The following PCK1 variants were observed in gnomAD, a reference collection of about 807,000 sequenced individuals.
The protein encoded by PCK1 is phosphoenolpyruvate carboxykinase 1, also known as phosphoenolpyruvate carboxykinase, cytosolic [GTP].
In PCK1, 44 loss-of-function variants were observed where a neutral mutation model predicts 50.3. That is an observed-to-expected ratio of 0.87 (90% confidence interval 0.69 to 1.12). The LOEUF (loss-of-function observed/expected upper bound fraction) is 1.12. PCK1 is among the 50% of genes most tolerant of loss of function. The probability of loss-of-function intolerance (pLI) is 0.00; values close to 1 mark genes in which losing one functional copy is unlikely to be tolerated. For missense variants in PCK1, 790 were observed against 815.0 expected, an observed-to-expected ratio of 0.97 and a Z score of 0.37; for synonymous variants, 332 against 314.3, an observed-to-expected ratio of 1.06 and a Z score of -0.59.
At chr20:57,562,439 C>T (rs1467680764) in intron 3 of PCK1, 187 bp downstream of exon 3, 11 of 644,990 alleles carry the variant, frequency 1.7e-5, no homozygotes, top group Admixed American at 1.5e-4. Flanking sequence ...CTGTCTTATA[C>T]AAACGTGAAA....
chr20:57,563,300 C>T, intron 5 of PCK1, 85 bp downstream of exon 5: 1 of 1,266,310 alleles, frequency 7.9e-7, no homozygotes, highest in Non-Finnish European at 1.1e-6. Flanking sequence ...CACCCGTCAG[C>T]ACACCTCTCT....
rs185439146 is a variant in PCK1, at chr20:57,564,299, C to G, written c.1092C>G (p.Ser364Arg). 1.2e-6 allele frequency: 2 copies of G among 1,614,002 alleles called. No individual in the cohort carries two copies. Among genetic ancestry groups the G allele is most frequent in the African/African-American group, 2.7e-5 (2 of 75,002 alleles). ...TCTTTACCAATGTGGCCGAGACCAG[C>G]GACGGGGGCGTTTACTGGGAAGGCA... ...NTIFTNVAET[S>R]DGGVYWEGID... The change falls in exon 7 of 10, where the codon AGC (serine) becomes AGG (arginine). Residue 364 changes from serine to arginine, a missense_variant. By Grantham distance (110) the Ser-to-Arg change is moderately radical. Transcript: ENST00000319441.
At position 57,562,853 on chromosome 20, in the gene PCK1, G is replaced by A. The variant is rs774575614; in HGVS notation, c.564G>A (p.Glu188=). ...TCCTGGAAGCAGTGGGCGATGGGGAGTTTGTCAAATGCCTCCATTCTGTGG... is the reference window on the plus strand; with the variant it reads ...TCCTGGAAGCAGTGGGCGATGGGGAATTTGTCAAATGCCTCCATTCTGTGG... The part of the protein sequence containing the change: ...TPVLEAVGDG[E]FVKCLHSVGC... Residue 188 remains glutamate (E), a synonymous_variant, in exon 4 of 10, where the codon GAG becomes GAA. Transcript: ENST00000319441. 48 of 1,613,752 alleles carry A rather than the reference G, an allele frequency of 3.0e-5. 1 individual carries two copies. The highest frequency in any genetic ancestry group is 3.3e-4 in the Middle Eastern group (2 of 6,076).
rs2070194005 is a variant in PCK1 at position 57,565,438 on chromosome 20, C to G, written c.1503C>G (p.Ala501=). The change falls in exon 10 of 10, where the codon GCC becomes GCG. Residue 501 remains alanine (A), a synonymous_variant. Transcript: ENST00000319441. Reference sequence around the variant, plus strand: ...ACCTGGCCCACTGGCTTAGCATGGCCCAGCACCCAGCAGCCAAACTGCCCA... The same window carrying G: ...ACCTGGCCCACTGGCTTAGCATGGCGCAGCACCCAGCAGCCAAACTGCCCA... The part of the protein sequence containing the change: ...GKYLAHWLSM[A]QHPAAKLPKI... 6.2e-7 allele frequency: 1 copy of G among 1,614,144 alleles called. No homozygotes were observed. Among genetic ancestry groups the G allele is most frequent in the Non-Finnish European group, 8.5e-7 (1 of 1,179,978 alleles).
In PCK1 at chr20:57,561,482, C is replaced by T. The variant is rs756617885; in HGVS notation, c.71C>T (p.Pro24Leu). The change falls in exon 2 of 10, where the codon CCC (proline) becomes CTC (leucine). Residue 24 changes from proline (P) to leucine (L), a missense_variant. By Grantham distance (98) the Pro-to-Leu change is moderately conservative. Transcript: ENST00000319441. ...KVVQGSLDSL[P>L]QAVREFLENN... ...GTCCAGGGAAGCCTGGACAGCCTACCCCAGGCAGTGAGGGAGTTTCTCGAG... is the reference window on the plus strand; with the variant it reads ...GTCCAGGGAAGCCTGGACAGCCTACTCCAGGCAGTGAGGGAGTTTCTCGAG... The T allele has an allele frequency of 2.3e-5, 37 of 1,613,636 alleles. No homozygotes were observed. In the African/African-American group the frequency reaches 4.4e-4, roughly 19 times the overall value.
intron 2 of PCK1, 66 bp downstream of exon 2, chr20:57,561,701 G>A (rs2070145220): frequency 1.8e-6 from 2 of 1,121,478 alleles, no homozygotes; most frequent in South Asian, 2.5e-5. Flanking sequence ...TCTCCTGGGA[G>A]TTGGTGGAGA....
intron 2 of PCK1, 176 bp from the exon 3 acceptor site, chr20:57,561,895 C>T: frequency 1.6e-6 from 1 of 626,616 alleles, no homozygotes; most frequent in Non-Finnish European, 2.8e-6. Context: ...TCCTACAGAC[C>T]AGGTCCTAGT....
intron 9 of PCK1, 96 bp downstream of exon 9, chr20:57,565,231 G>T (rs547251451): frequency 5.2e-5 from 64 of 1,232,608 alleles, no homozygotes; most frequent in Non-Finnish European, 7.3e-5. Flanking sequence ...CTGTGTGTGG[G>T]GAGAGAGAGA....
At chr20:57,562,657 G>T in intron 3 of PCK1, 39 bp from the exon 4 acceptor site, 11 of 1,564,976 alleles carry the variant, frequency 7.0e-6, no homozygotes, top group Non-Finnish European at 9.7e-6. Flanking sequence ...CGAAGTCCAA[G>T]GTCATTTCTC....
chr20:57,561,920 C>T, intron 2 of PCK1, 151 bp from the exon 3 acceptor site: 3 of 653,496 alleles, frequency 4.6e-6, no homozygotes, highest in Non-Finnish European at 7.9e-6. Flanking sequence ...TAAATGTCCA[C>T]CTGGCCATGT....
At chr20:57,563,403 G>A (rs1452027853) in intron 5 of PCK1, 162 bp from the exon 6 acceptor site, 13 of 681,040 alleles carry the variant, frequency 1.9e-5, no homozygotes, top group African/African-American at 1.8e-4. Flanking sequence ...AAACACCAGG[G>A]GACCATAGAG....
At chr20:57,564,924 C>T (rs946300645) in intron 8 of PCK1, 116 bp from the exon 9 acceptor site, 7 of 808,640 alleles carry the variant, frequency 8.7e-6, no homozygotes, top group East Asian at 2.5e-5. Flanking sequence ...AAAACTAGCT[C>T]GATTACAAAG....
chr20:57,563,930 T>C (rs904284609), intron 6 of PCK1: 3 of 614,946 alleles, frequency 4.9e-6, no homozygotes, highest in Non-Finnish European at 8.6e-6. Context: ...CATATGTTGC[T>C]GTTTGTTTAC....
In PCK1 at chr20:57,561,506, A is replaced by G. The variant is rs557851089; in HGVS notation, c.95A>G (p.Glu32Gly). Residue 32 changes from glutamate (E) to glycine (G), a missense_variant, in exon 2 of 10, where the codon GAG (glutamate) becomes GGG (glycine). Coordinates refer to ENST00000319441, the MANE Select transcript of PCK1 (RefSeq NM_002591.4). ...SLPQAVREFL[E>G]NNAELCQPDH... Reference sequence around the variant, plus strand: ...CCCCAGGCAGTGAGGGAGTTTCTCGAGAATAACGCTGAGCTGTGTCAGCCT... The same window carrying G: ...CCCCAGGCAGTGAGGGAGTTTCTCGGGAATAACGCTGAGCTGTGTCAGCCT... The G allele has an allele frequency of 1.9e-5, 30 of 1,613,908 alleles. 1 individual carries two copies. In the South Asian group the frequency reaches 3.2e-4, roughly 17 times the overall value.
chr20:57,561,345 T>A (rs187794401), intron 1 of PCK1, 27 bp from the exon 2 acceptor site: 56 of 1,028,384 alleles, frequency 5.4e-5, no homozygotes, highest in African/African-American at 2.0e-4. Context: ...TTGTTTTTGT[T>A]CAGGACGCTT....
chr20:57,561,679 G>A (rs1568907690), intron 2 of PCK1, 44 bp downstream of exon 2: 1 of 1,360,560 alleles, frequency 7.3e-7, no homozygotes, highest in South Asian at 1.2e-5. Context: ...CTGCAGGCAG[G>A]GCTCCCCTGC....
Position 57,562,929 on chromosome 20 carries a change from A to C in PCK1, c.610+30A>C, listed in dbSNP as rs368121320. The C allele has an allele frequency of 1.3e-5, 21 of 1,591,914 alleles. No individual in the cohort carries two copies. In the South Asian group the frequency reaches 2.0e-4, roughly 15 times the overall value. On this transcript the variant is annotated intron_variant, in intron 4 of 9. Transcript: ENST00000319441. ...GTGTATTATTTCAGAATCAAAAGTC[A>C]AAATAAAAAAGAAAGCTGAACGCAA...
rs1479775712 is a variant in PCK1, at chr20:57,565,942, A to C, written c.*138A>C. 3 of 625,938 alleles carry C rather than the reference A, an allele frequency of 4.8e-6. No individual in the cohort carries two copies. In the African/African-American group the frequency reaches 5.5e-5, roughly 11 times the overall value. 38.8% of individuals were successfully genotyped at this position (625,938 alleles called of 1,614,324 possible). A position where few individuals can be genotyped will look rare whatever the true frequency, so the allele number is the denominator to read the frequency against. On this transcript the variant is annotated 3_prime_UTR_variant, in exon 10 of 10. Transcript: ENST00000319441. ...CACACCGTGAGCAGATCTGAAAGGC[A>C]CACTTTGATTTTTTTAAGGATAAGA...
In PCK1 at chr20:57,564,497, A is replaced by G. The variant is rs1193991455; in HGVS notation, c.1202A>G (p.His401Arg). 1.2e-6 allele frequency: 2 copies of G among 1,614,088 alleles called. No individual in the cohort carries two copies. Among genetic ancestry groups the G allele is most frequent in the East Asian group, 4.5e-5 (2 of 44,874 alleles). Reference protein sequence around the residue: ...WSSEDGEPCAHPNSRFCTPAS... With the variant: ...WSSEDGEPCARPNSRFCTPAS... ...TGTCTTATAGGGGAACCTTGTGCCC[A>G]CCCCAACTCGAGGTTCTGCACCCCT... The change falls in exon 8 of 10, where the codon CAC becomes CGC. Residue 401 changes from histidine to arginine, a missense_variant. Coordinates refer to ENST00000319441, the MANE Select transcript of PCK1 (RefSeq NM_002591.4).
Sources: allele counts gnomAD v4.1 joint callset, GRCh38; gene constraint gnomAD v4.1.1; transcripts MANE v1.5; gene names NCBI Gene and HGNC (gene_info 2026-07-23, HGNC 2026-07-21).